The following ADGRG6 variants were observed in gnomAD, a reference collection of about 807,000 sequenced individuals.
The protein encoded by ADGRG6 is G-protein coupled receptor 126.
Under a neutral mutation model 142.4 loss-of-function variants are expected in ADGRG6, and 84 were observed. That is an observed-to-expected ratio of 0.59 (90% confidence interval 0.49 to 0.71). ADGRG6 has a LOEUF of 0.71. Among genes scored for constraint, ADGRG6 ranks in the 30% least tolerant of loss-of-function variants. The pLI is 0.00. For synonymous variants in ADGRG6, 521 were observed against 520.5 expected, an observed-to-expected ratio of 1.00 and a Z score of -0.01; for missense variants, 1,367 against 1,466.6, an observed-to-expected ratio of 0.93 and a Z score of 1.11.
At chr6:142,309,890 TTTTA>T (rs1777682093) in intron 2 of ADGRG6, among the ~76,000 whole-genome samples, 1 of 152,004 alleles carries the variant, frequency 6.6e-6, no homozygotes, top group South Asian at 2.1e-4. Context: ...CTTTGTTGTC[TTTTA>T]TTTATTTACG....
At chr6:142,341,023 A>T (rs1779594153) in intron 2 of ADGRG6, among the ~76,000 whole-genome samples, 2 of 151,778 alleles carry the variant, frequency 1.3e-5, no homozygotes, top group South Asian at 4.2e-4. Flanking sequence ...AGATGTCTTA[A>T]TTTTTTTTAA....
rs1775579657 is a variant in ADGRG6 at position 142,402,655 on chromosome 6, T to G, written c.1780T>G (p.Leu594Val). The change falls in exon 13 of 25, where the codon TTA becomes GTA. Residue 594 changes from leucine (L) to valine (V), a missense_variant. This residue lies in a region of ADGRG6 where 737 missense variants were observed against 746.5 expected (regional missense o/e 0.99). Coordinates refer to ENST00000367609, the MANE Select transcript of ADGRG6 (RefSeq NM_198569.3). ...TGAAGTTGCTAACCAGATTTTAAATTTAACTGCTGATGGGCAGAACTTAAC... is the reference window on the plus strand; with the variant it reads ...TGAAGTTGCTAACCAGATTTTAAATGTAACTGCTGATGGGCAGAACTTAAC... ...ANEVANQILN[L>V]TADGQNLTSA... The G allele has an allele frequency of 6.2e-7, 1 of 1,606,208 alleles. No homozygotes were observed. Among genetic ancestry groups the G allele is most frequent in the South Asian group, 1.1e-5 (1 of 90,254 alleles).
At chr6:142,313,892 A>G (rs535714023) in intron 2 of ADGRG6, among the ~76,000 whole-genome samples, 18 of 152,180 alleles carry the variant, frequency 1.2e-4, no homozygotes, top group Non-Finnish European at 1.5e-5. Context: ...CTTTTTAAAA[A>G]AAAATTCAGT....
chr6:142,333,153 T>C (rs1043491358), intron 2 of ADGRG6, among the ~76,000 whole-genome samples: 3 of 152,200 alleles, frequency 2.0e-5, no homozygotes, highest in African/African-American at 4.8e-5. Flanking sequence ...CAAGTCTTGA[T>C]TGAGACAGTA....
chr6:142,353,826 A>G (rs1490659632), intron 2 of ADGRG6, among the ~76,000 whole-genome samples: 2 of 152,232 alleles, frequency 1.3e-5, no homozygotes, highest in African/African-American at 4.8e-5. Context: ...TCATGAAGCA[A>G]ATGGGTAGAA....
intron 2 of ADGRG6, among the ~76,000 whole-genome samples, chr6:142,318,866 G>C (rs1778379689): frequency 6.6e-6 from 1 of 151,950 alleles, no homozygotes; most frequent in South Asian, 2.1e-4. Context: ...GACCAGACTG[G>C]AGGATGTTAA....
At chr6:142,359,602 T>C (rs188808912) in intron 2 of ADGRG6, among the ~76,000 whole-genome samples, 31 of 152,240 alleles carry the variant, frequency 2.0e-4, no homozygotes, top group Non-Finnish European at 3.2e-4. Flanking sequence ...ACCCAGGCTA[T>C]AGTATAGCAC....
At chr6:142,334,317 C>G (rs527613441) in intron 2 of ADGRG6, among the ~76,000 whole-genome samples, 2 of 152,176 alleles carry the variant, frequency 1.3e-5, no homozygotes, top group Non-Finnish European at 2.9e-5. Flanking sequence ...AAAAACAAAA[C>G]TACTCCACAT....
At chr6:142,427,984 A>T (rs1000284651) in intron 22 of ADGRG6, among the ~76,000 whole-genome samples, 2 of 152,208 alleles carry the variant, frequency 1.3e-5, no homozygotes, top group Non-Finnish European at 2.9e-5. Context: ...TTGGGTGGGG[A>T]CACAGCCAAA....
chr6:142,319,080 T>G (rs1347169174), intron 2 of ADGRG6, among the ~76,000 whole-genome samples: 1 of 152,082 alleles, frequency 6.6e-6, no homozygotes, highest in Non-Finnish European at 1.5e-5. Flanking sequence ...GAATCTGCAG[T>G]TTTATGATTT....
chr6:142,307,757 A>G (rs886621439), intron 1 of ADGRG6, among the ~76,000 whole-genome samples: 4 of 152,046 alleles, frequency 2.6e-5, no homozygotes, highest in African/African-American at 9.7e-5. Context: ...ACTTCTTTTA[A>G]TCTCAAATAT....
intron 23 of ADGRG6, 115 bp downstream of exon 23, chr6:142,437,650 A>C: frequency 1.5e-6 from 1 of 657,346 alleles, no homozygotes; most frequent in Non-Finnish European, 2.8e-6. Flanking sequence ...GAAGTGGAGC[A>C]TGTGAAGATG....
intron 12 of ADGRG6, 82 bp from the exon 13 acceptor site, chr6:142,402,538 A>G (rs1054942853): frequency 1.4e-6 from 1 of 726,894 alleles, no homozygotes; most frequent in South Asian, 1.8e-5. Flanking sequence ...AAAGTGAAAT[A>G]TTACACTCTA....
intron 2 of ADGRG6, among the ~76,000 whole-genome samples, chr6:142,336,158 A>C (rs1779303403): frequency 6.6e-6 from 1 of 152,192 alleles, no homozygotes; most frequent in Non-Finnish European, 1.5e-5. Flanking sequence ...CAGGCAGCTC[A>C]GACTTCTCTC....
At chr6:142,416,225 T>G (rs1462951347) in intron 20 of ADGRG6, among the ~76,000 whole-genome samples, 161 bp downstream of exon 20, 1 of 151,242 alleles carries the variant, frequency 6.6e-6, no homozygotes, top group Non-Finnish European at 1.5e-5. Context: ...AAGGGACATC[T>G]TCACAACTTT....
intron 18 of ADGRG6, 62 bp from the exon 19 acceptor site, chr6:142,414,907 A>T (rs1776279753): frequency 6.8e-7 from 1 of 1,476,236 alleles, no homozygotes; most frequent in Non-Finnish European, 9.1e-7. Flanking sequence ...CTTTCTAGTG[A>T]AACAGAGAAC....
chr6:142,344,222 T>C (rs1039484438), intron 2 of ADGRG6, among the ~76,000 whole-genome samples: 3 of 151,992 alleles, frequency 2.0e-5, no homozygotes, highest in African/African-American at 7.2e-5. Context: ...AAAAATATTA[T>C]GTGAGCTCAA....
intron 2 of ADGRG6, among the ~76,000 whole-genome samples, chr6:142,362,682 G>T (rs948603881): frequency 3.3e-5 from 5 of 152,072 alleles, no homozygotes; most frequent in African/African-American, 1.2e-4. Context: ...TGATGAAGTC[G>T]TCCATTTCTG....
chr6:142,414,847 AC>A (rs1776277005), intron 18 of ADGRG6, 121 bp from the exon 19 acceptor site: 1 of 585,432 alleles, frequency 1.7e-6, no homozygotes, highest in Non-Finnish European at 2.8e-6. Flanking sequence ...ATTGATTTAC[AC>A]TGTTGGTTTT....
Sources: gnomAD v4.1 joint callset for allele counts (sites outside exome capture counted in the v4.1 genomes callset) on GRCh38, gnomAD v4.1.1 for gene constraint, gnomAD v4.1.1 regional missense constraint, MANE v1.5 for transcripts, NCBI Gene and HGNC (gene_info 2026-07-23, HGNC 2026-07-21) for gene names.